Variants in EPHA6 observed in about 807,000 individuals in gnomAD.
EPHA6 encodes ephrin type-A receptor 6.
EPHA6 carries 50 observed loss-of-function variants against 112.0 expected under a neutral mutation model. That is an observed-to-expected ratio of 0.45 (90% CI 0.36 to 0.56). The LOEUF (loss-of-function observed/expected upper bound fraction) is 0.56, where lower values mean the gene tolerates loss of function less well. Among genes scored for constraint, EPHA6 ranks in the 20% least tolerant of loss-of-function variants. EPHA6 has a pLI of 0.00. For synonymous variants in EPHA6, 529 were observed against 490.7 expected, an observed-to-expected ratio of 1.08 and a Z score of -1.03; for missense variants, 1,280 against 1,417.4, an observed-to-expected ratio of 0.90 and a Z score of 1.56.
chr3:97,147,350 C>G (rs2076067151), intron 3 of EPHA6, among the ~76,000 whole-genome samples: 2 of 152,094 alleles, frequency 1.3e-5, no homozygotes, highest in South Asian at 4.1e-4. Flanking sequence ...ATGCAGTTCA[C>G]TGTGCTCTGT....
chr3:96,838,800 T>C (rs2107313164), intron 1 of EPHA6, among the ~76,000 whole-genome samples: 1 of 152,200 alleles, frequency 6.6e-6, no homozygotes, highest in African/African-American at 2.4e-5. Flanking sequence ...TTCAAGTACT[T>C]ATATGTGAAT....
chr3:97,405,593 T>A (rs55799505), intron 6 of EPHA6, among the ~76,000 whole-genome samples: 2,948 of 152,216 alleles, frequency 0.019, 41 homozygotes, highest in Non-Finnish European at 0.027. Flanking sequence ...GGTTGCTAAT[T>A]GTTTCTAAAA....
At chr3:97,190,650 T>C (rs2077276876) in intron 3 of EPHA6, among the ~76,000 whole-genome samples, 1 of 152,104 alleles carries the variant, frequency 6.6e-6, no homozygotes, top group South Asian at 2.1e-4. Flanking sequence ...AATGTTTTGA[T>C]ATATGTATAG....
intron 14 of EPHA6, among the ~76,000 whole-genome samples, chr3:97,708,283 T>C (rs969367244): frequency 2.0e-5 from 3 of 152,192 alleles, no homozygotes; most frequent in Non-Finnish European, 4.4e-5. Context: ...ACTTGCTATG[T>C]TTTAGCAAAG....
At chr3:97,292,501 C>G (rs1021917504) in intron 5 of EPHA6, among the ~76,000 whole-genome samples, 2 of 152,250 alleles carry the variant, frequency 1.3e-5, no homozygotes, top group African/African-American at 4.8e-5. Context: ...AGACCTGAGG[C>G]AGCTCCTTTC....
chr3:97,366,943 C>T (rs191338061), intron 5 of EPHA6, among the ~76,000 whole-genome samples: 11 of 152,232 alleles, frequency 7.2e-5, no homozygotes, highest in African/African-American at 2.4e-4. Flanking sequence ...CTATTCTCAG[C>T]GCTTTACACG....
chr3:96,939,158 T>C (rs1054731111), intron 2 of EPHA6, among the ~76,000 whole-genome samples: 1 of 152,202 alleles, frequency 6.6e-6, no homozygotes, highest in Admixed American at 6.5e-5. Context: ...TTTCTGTTGA[T>C]TGGAATAGTT....
chr3:97,364,757 T>C (rs1323091199), intron 5 of EPHA6, among the ~76,000 whole-genome samples: 1 of 152,290 alleles, frequency 6.6e-6, no homozygotes, highest in South Asian at 2.1e-4. Flanking sequence ...GTTTGGAATT[T>C]ACTTTTAAAA....
Position 97,760,608 on chromosome 3 carries a change from G to T in EPHA6, c.*11907G>T. On this transcript the variant is annotated 3_prime_UTR_variant, in exon 18 of 18. Coordinates refer to ENST00000389672, the MANE Select transcript of EPHA6 (RefSeq NM_001080448.3). ...TAAACACTTTAAATTTTAAATGGCC[G>T]CATCAAATTTTAAATGGTAGATGAT... The T allele has an allele frequency of 5.6e-6, 1 of 179,080 alleles. No homozygotes were observed. Among genetic ancestry groups the T allele is most frequent in the African/African-American group, 2.4e-5 (1 of 42,296 alleles). 11.1% of individuals were successfully genotyped at this position (179,080 alleles called of 1,614,324 possible).
rs141376155 is a variant in EPHA6 at position 97,186,382 on chromosome 3, T to C, written c.1115-39882T>C. Among the ~76,000 whole-genome samples, 872 of 152,128 alleles carry C rather than the reference T, an allele frequency of 5.7e-3. 7 individuals are homozygous for C. The highest frequency in any genetic ancestry group is 0.02 in the African/African-American group (843 of 41,520). On this transcript the variant is annotated intron_variant, in intron 3 of 17. Coordinates refer to ENST00000389672, the MANE Select transcript of EPHA6 (RefSeq NM_001080448.3). Reference sequence around the variant, plus strand: ...CTCATAACTCTCAAAAACATAGTAGTTTTTTCATTTGTTAAAACTAATCTA... The same window carrying C: ...CTCATAACTCTCAAAAACATAGTAGCTTTTTCATTTGTTAAAACTAATCTA...
At chr3:97,644,387 G>A (rs1434925146) in intron 14 of EPHA6, among the ~76,000 whole-genome samples, 1 of 148,158 alleles carries the variant, frequency 6.7e-6, no homozygotes, top group Admixed American at 6.7e-5. Context: ...AACTAGAAAA[G>A]CAAGAGCAAA....
intron 1 of EPHA6, among the ~76,000 whole-genome samples, chr3:96,833,967 C>T (rs1178885994): frequency 6.6e-6 from 1 of 151,680 alleles, no homozygotes. Flanking sequence ...CTGACAACAA[C>T]AAAAGAAACA....
intron 5 of EPHA6, among the ~76,000 whole-genome samples, chr3:97,376,617 A>C (rs2085375821): frequency 6.6e-6 from 1 of 152,200 alleles, no homozygotes; most frequent in African/African-American, 2.4e-5. Flanking sequence ...ATTTTGATTC[A>C]GAAATGCAAG....
chr3:97,536,042 A>G (rs1577694298), intron 11 of EPHA6, among the ~76,000 whole-genome samples: 1 of 152,194 alleles, frequency 6.6e-6, no homozygotes, highest in Admixed American at 6.6e-5. Context: ...TCATTAACCT[A>G]TTAAGATACA....
intron 3 of EPHA6, among the ~76,000 whole-genome samples, chr3:97,087,644 C>G (rs1332308777): frequency 6.6e-6 from 1 of 152,048 alleles, no homozygotes; most frequent in Non-Finnish European, 1.5e-5. Flanking sequence ...ATTGAAAGGG[C>G]CTTGATAAAG....
chr3:96,866,757 T>G (rs1249840126), intron 1 of EPHA6, 68 bp from the exon 2 acceptor site: 1 of 825,434 alleles, frequency 1.2e-6, no homozygotes, highest in East Asian at 3.1e-5. Context: ...ATTATAACTT[T>G]AATAATTTAA....
At chr3:97,602,009 T>C (rs369115001) in intron 12 of EPHA6, among the ~76,000 whole-genome samples, 67 of 152,148 alleles carry the variant, frequency 4.4e-4, no homozygotes, top group African/African-American at 1.5e-3. Flanking sequence ...TGATGCTTTC[T>C]ACCAAAAGCT....
intron 2 of EPHA6, among the ~76,000 whole-genome samples, chr3:96,972,729 G>A (rs985155465): frequency 6.6e-6 from 1 of 152,014 alleles, no homozygotes; most frequent in African/African-American, 2.4e-5. Context: ...CTTTTGCTAT[G>A]TTTTGAGTAT....
intron 2 of EPHA6, among the ~76,000 whole-genome samples, chr3:96,959,312 A>G (rs962440924): frequency 2.0e-5 from 3 of 152,182 alleles, no homozygotes; most frequent in African/African-American, 7.2e-5. Flanking sequence ...TTTTCTTTAG[A>G]GAAATAGCTA....
Sources: allele counts gnomAD v4.1 joint callset (sites outside exome capture counted in the v4.1 genomes callset), GRCh38; gene constraint gnomAD v4.1.1; transcripts MANE v1.5; gene names NCBI Gene and HGNC (gene_info 2026-07-23, HGNC 2026-07-21).